SNAPC1: variants seen among roughly 807,000 people sequenced by gnomAD.
SNAPC1 encodes the protein small nuclear RNA activating complex polypeptide 1.
Under a neutral mutation model 50.1 loss-of-function variants are expected in SNAPC1, and 42 were observed. That is an observed-to-expected ratio of 0.84 (90% CI 0.65 to 1.08). The LOEUF (loss-of-function observed/expected upper bound fraction) is 1.08. Ranked by LOEUF, SNAPC1 falls within the 50% of genes least tolerant of loss-of-function variation. The pLI, the probability that SNAPC1 is intolerant of heterozygous loss-of-function variation, is 0.00. For synonymous variants in SNAPC1, 164 were observed against 144.2 expected (o/e 1.14, Z -0.98); for missense variants, 477 against 427.3 (o/e 1.12, Z -1.02).
intron 8 of SNAPC1, among the ~76,000 whole-genome samples, chr14:61,783,190 T>A (rs546057638): frequency 8.6e-6 from 1 of 116,514 alleles, no homozygotes; most frequent in South Asian, 2.3e-4. Context: ...ACCCAGCTAA[T>A]TTTTTTTTGT....
chr14:61,770,820 C>T (rs1304353896), intron 4 of SNAPC1, among the ~76,000 whole-genome samples: 6 of 152,184 alleles, frequency 3.9e-5, no homozygotes, highest in African/African-American at 1.4e-4. Context: ...CTGCAACCTG[C>T]AACCTCTGCC....
chr14:61,773,843 G>A (rs2045013809), intron 4 of SNAPC1, among the ~76,000 whole-genome samples: 1 of 151,762 alleles, frequency 6.6e-6, no homozygotes, highest in South Asian at 2.1e-4. Context: ...GAGTAGCTCG[G>A]ACAACAGGCA....
In SNAPC1 at chr14:61,795,764, T is replaced by C. The variant is rs372044739; in HGVS notation, c.*781T>C. The C allele has an allele frequency of 6.6e-6, 1 of 152,202 alleles. No individual in the cohort carries two copies. Among genetic ancestry groups the C allele is most frequent in the African/African-American group, 2.4e-5 (1 of 41,562 alleles). 9.4% of individuals were successfully genotyped at this position (152,202 alleles called of 1,614,324 possible). ...TGAATATGCCACTCTGTTAATTTCT[T>C]GTTCCAGACATTTTAATAGAGATTG... On this transcript the variant is annotated 3_prime_UTR_variant, in exon 10 of 10. Coordinates refer to ENST00000216294, the MANE Select transcript of SNAPC1 (RefSeq NM_003082.4).
chr14:61,771,293 C>T (rs74699170), intron 4 of SNAPC1, among the ~76,000 whole-genome samples: 4,087 of 151,874 alleles, frequency 0.027, 124 homozygotes, highest in African/African-American at 0.065. Flanking sequence ...GGTTTTTATC[C>T]GTGATTTAAA....
intron 9 of SNAPC1, among the ~76,000 whole-genome samples, chr14:61,794,701 C>T (rs1209773622): frequency 6.6e-6 from 1 of 152,154 alleles, no homozygotes; most frequent in Non-Finnish European, 1.5e-5. Flanking sequence ...AGCCACTGCA[C>T]CTGGCCGATA....
chr14:61,790,909 C>T (rs920144944), intron 8 of SNAPC1, among the ~76,000 whole-genome samples: 1 of 152,120 alleles, frequency 6.6e-6, no homozygotes, highest in African/African-American at 2.4e-5. Flanking sequence ...ATCATTGCAC[C>T]CCACACATTT....
intron 8 of SNAPC1, among the ~76,000 whole-genome samples, chr14:61,783,729 G>A (rs933582265): frequency 3.3e-5 from 5 of 151,740 alleles, no homozygotes; most frequent in Admixed American, 2.0e-4. Context: ...TAGTAGAGAC[G>A]GGGTTTCACT....
At chr14:61,769,889 C>T (rs1194581762) in intron 4 of SNAPC1, among the ~76,000 whole-genome samples, 3 of 152,092 alleles carry the variant, frequency 2.0e-5, no homozygotes, top group Non-Finnish European at 2.9e-5. Context: ...AATCTCAGTA[C>T]AGGGTTACAG....
At chr14:61,782,073 T>C (rs1360794544) in intron 7 of SNAPC1, among the ~76,000 whole-genome samples, 174 bp from the exon 8 acceptor site, 1 of 152,214 alleles carries the variant, frequency 6.6e-6, no homozygotes, top group Non-Finnish European at 1.5e-5. Flanking sequence ...TAAGAGACTA[T>C]TTACATGACA....
At chr14:61,780,669 A>C (rs2045065235) in intron 7 of SNAPC1, among the ~76,000 whole-genome samples, 1 of 152,146 alleles carries the variant, frequency 6.6e-6, no homozygotes. Context: ...TGTTGTACAG[A>C]AGCTCTGTAG....
At chr14:61,776,317 T>C (rs2045035260) in intron 5 of SNAPC1, 64 bp downstream of exon 5, 2 of 1,445,930 alleles carry the variant, frequency 1.4e-6, no homozygotes, top group Non-Finnish European at 1.9e-6. Flanking sequence ...CCGTGGATGA[T>C]AATGTTGGGA....
intron 4 of SNAPC1, among the ~76,000 whole-genome samples, 178 bp from the exon 5 acceptor site, chr14:61,775,917 C>G (rs991541131): frequency 1.3e-5 from 2 of 152,010 alleles, no homozygotes; most frequent in Non-Finnish European, 2.9e-5. Context: ...ATCCACACCT[C>G]TATGTTAATG....
rs1311441168 is a variant in SNAPC1, at chr14:61,762,608, C to T, written c.128+20C>T. ...CTTCTGGTGGGTGTTTCTTGTCCAC[C>T]ACCCGCCTCTCCCTGCCCGCAGGTG... On this transcript the variant is annotated intron_variant, in intron 1 of 9. Coordinates refer to ENST00000216294, the MANE Select transcript of SNAPC1 (RefSeq NM_003082.4). The T allele has an allele frequency of 6.3e-7, 1 of 1,586,296 alleles. No homozygotes were observed. Among genetic ancestry groups the T allele is most frequent in the Non-Finnish European group, 8.6e-7 (1 of 1,166,514 alleles).
At position 61,794,980 on chromosome 14, in the gene SNAPC1, C is replaced by G. The variant is rs2045178665; in HGVS notation, c.1104C>G (p.His368Gln). ...CTGCATCCAAGAAGAGGAGAAAACA[C>G]TGAACAAAGAGCCTGGTGTAGTTTT... ...EFTASKKRRK[H>Q] Residue 368 changes from histidine (H) to glutamine (Q), a missense_variant, in exon 10 of 10, where the codon CAC becomes CAG. By Grantham distance (24) the His-to-Gln change is conservative (BLOSUM62 0). Coordinates refer to ENST00000216294, the MANE Select transcript of SNAPC1 (RefSeq NM_003082.4). 1.9e-6 allele frequency: 3 copies of G among 1,573,200 alleles called. No individual in the cohort carries two copies. Among genetic ancestry groups the G allele is most frequent in the Non-Finnish European group, 8.6e-7 (1 of 1,161,838 alleles).
At chr14:61,763,307 A>T (rs1290640768) in intron 1 of SNAPC1, among the ~76,000 whole-genome samples, 1 of 151,940 alleles carries the variant, frequency 6.6e-6, no homozygotes, top group Non-Finnish European at 1.5e-5. Context: ...TTGTTTTTCA[A>T]AAGTGCAAAT....
chr14:61,778,798 C>G, intron 6 of SNAPC1, 50 bp from the exon 7 acceptor site: 1 of 1,096,246 alleles, frequency 9.1e-7, no homozygotes, highest in East Asian at 2.4e-5. Flanking sequence ...CAGTTTTTCA[C>G]CTAATGTTTG....
chr14:61,771,360 A>G (rs1256221436), intron 4 of SNAPC1, among the ~76,000 whole-genome samples: 1 of 152,222 alleles, frequency 6.6e-6, no homozygotes, highest in East Asian at 1.9e-4. Context: ...TAAGCTTCAT[A>G]CTCAGTTTTG....
At chr14:61,763,466 C>T (rs2044923534) in intron 1 of SNAPC1, among the ~76,000 whole-genome samples, 1 of 145,896 alleles carries the variant, frequency 6.9e-6, no homozygotes, top group Non-Finnish European at 1.5e-5. Flanking sequence ...CATGCACTCA[C>T]TTTCTTGCTC....
chr14:61,773,315 A>G (rs2255627), intron 4 of SNAPC1, among the ~76,000 whole-genome samples: 52,682 of 151,522 alleles, frequency 0.35, 9,610 homozygotes, highest in African/African-American at 0.45. Flanking sequence ...CTCACCATAT[A>G]CCTGGAACTA....
Sources: allele counts gnomAD v4.1 joint callset (sites outside exome capture counted in the v4.1 genomes callset), GRCh38; gene constraint gnomAD v4.1.1; transcripts MANE v1.5; gene names NCBI Gene and HGNC (gene_info 2026-07-23, HGNC 2026-07-21).